EYA1: variants seen among roughly 807,000 people sequenced by gnomAD.
The protein encoded by EYA1 is EYA transcriptional coactivator and phosphatase 1, also known as protein phosphatase EYA1.
Under a neutral mutation model 82.0 loss-of-function variants are expected in EYA1, and 16 were observed. The ratio of observed to expected loss-of-function variants is 0.20; its 90% CI spans 0.13 to 0.30. The LOEUF is 0.30. Ranked by LOEUF, EYA1 falls within the 10% of genes least tolerant of loss-of-function variation. EYA1 has a pLI of 1.00. For synonymous variants in EYA1, 261 were observed against 264.4 expected (o/e 0.99, Z 0.12); for missense variants, 633 against 730.7 (o/e 0.87, Z 1.54).
chr8:71,396,953 T>G (rs1169459457), intron 2 of EYA1, among the ~76,000 whole-genome samples: 1 of 152,218 alleles, frequency 6.6e-6, no homozygotes, highest in Non-Finnish European at 1.5e-5. Flanking sequence ...AAGGACTTGC[T>G]TTATGAATCT....
chr8:71,492,771 T>C (rs1235121571), intron 2 of EYA1, among the ~76,000 whole-genome samples: 2 of 148,622 alleles, frequency 1.3e-5, no homozygotes, highest in Non-Finnish European at 1.5e-5. Flanking sequence ...GGCCTTTTCT[T>C]TTAACTTTTA....
At chr8:71,298,509 G>GA (rs1819832776) in intron 9 of EYA1, among the ~76,000 whole-genome samples, 1 of 152,198 alleles carries the variant, frequency 6.6e-6, no homozygotes, top group South Asian at 2.1e-4. Flanking sequence ...GCTGGCATTT[G>GA]AAAGAGACCA....
chr8:71,366,136 G>T (rs1827738313), upstream of EYA1, among the ~76,000 whole-genome samples: 1 of 149,920 alleles, frequency 6.7e-6, no homozygotes, highest in African/African-American at 2.5e-5. Context: ...TGTAGTAATG[G>T]CTGCCTATCA....
chr8:71,430,040 CT>C (rs1278534833), intron 2 of EYA1, among the ~76,000 whole-genome samples: 2 of 152,070 alleles, frequency 1.3e-5, no homozygotes, highest in East Asian at 3.8e-4. Context: ...TTACAAACAC[CT>C]ATCAAGCAAG....
At chr8:71,485,541 A>C (rs1426147325) in intron 2 of EYA1, among the ~76,000 whole-genome samples, 1 of 152,182 alleles carries the variant, frequency 6.6e-6, no homozygotes, top group Non-Finnish European at 1.5e-5. Context: ...TTTTACAAGA[A>C]TAAAAGTACA....
intron 17 of EYA1, among the ~76,000 whole-genome samples, chr8:71,210,671 G>A (rs1419594598): frequency 6.6e-6 from 1 of 152,230 alleles, no homozygotes; most frequent in Non-Finnish European, 1.5e-5. Context: ...GAGACAGGTA[G>A]GACCTCATGA....
chr8:71,543,450 C>T (rs758310654), intron 1 of EYA1, among the ~76,000 whole-genome samples: 7 of 152,170 alleles, frequency 4.6e-5, no homozygotes, highest in South Asian at 2.1e-4. Context: ...AAATATGCCA[C>T]GACTTACATT....
upstream of EYA1, chr8:71,362,275 C>T (rs1448145601): frequency 1.3e-5 from 11 of 860,668 alleles, no homozygotes; most frequent in Admixed American, 1.2e-4. Context: ...CTGACTCAAC[C>T]TTGCTGTTTA....
chr8:71,478,982 C>G (rs1398926959), intron 2 of EYA1, among the ~76,000 whole-genome samples: 3 of 152,168 alleles, frequency 2.0e-5, no homozygotes, highest in African/African-American at 7.2e-5. Context: ...ATCAAGAAGG[C>G]AAAATGACAT....
At chr8:71,319,192 G>A (rs933000689) in intron 6 of EYA1, among the ~76,000 whole-genome samples, 3 of 151,364 alleles carry the variant, frequency 2.0e-5, no homozygotes, top group African/African-American at 4.9e-5. Flanking sequence ...GTGCAGTGGC[G>A]CAATCTCAGC....
chr8:71,273,205 C>T (rs1816755501), intron 9 of EYA1, among the ~76,000 whole-genome samples: 1 of 152,204 alleles, frequency 6.6e-6, no homozygotes, highest in African/African-American at 2.4e-5. Flanking sequence ...GAGACTTCTT[C>T]TATAACAAGA....
chr8:71,538,011 A>T (rs762200108), intron 1 of EYA1, among the ~76,000 whole-genome samples: 3 of 152,144 alleles, frequency 2.0e-5, no homozygotes, highest in Non-Finnish European at 4.4e-5. Flanking sequence ...AAAGACTACC[A>T]CTCAAAAATC....
intron 2 of EYA1, among the ~76,000 whole-genome samples, chr8:71,388,638 C>T (rs1829102874): frequency 6.6e-6 from 1 of 152,106 alleles, no homozygotes; most frequent in Non-Finnish European, 1.5e-5. Flanking sequence ...ATTCCATCTT[C>T]TAATTAATGC....
intron 17 of EYA1, among the ~76,000 whole-genome samples, chr8:71,205,158 CAT>C (rs1477312260): frequency 6.6e-6 from 1 of 152,112 alleles, no homozygotes; most frequent in Non-Finnish European, 1.5e-5. Flanking sequence ...ATAAAATGAA[CAT>C]ATTTAATGAC....
chr8:71,227,505 T>C (rs1810698218), intron 12 of EYA1, among the ~76,000 whole-genome samples: 1 of 152,208 alleles, frequency 6.6e-6, no homozygotes, highest in Non-Finnish European at 1.5e-5. Flanking sequence ...ACTTTCATCC[T>C]TTTCTGCAAC....
At chr8:71,290,109 A>T (rs1240606486) in intron 9 of EYA1, among the ~76,000 whole-genome samples, 1 of 151,074 alleles carries the variant, frequency 6.6e-6, no homozygotes, top group African/African-American at 2.5e-5. Flanking sequence ...TCAGTAAAAA[A>T]ATTTATCAAA....
At chr8:71,299,563 G>C (rs554609964) in intron 8 of EYA1, 75 bp downstream of exon 8, 6 of 907,592 alleles carry the variant, frequency 6.6e-6, no homozygotes, top group African/African-American at 6.5e-5. Flanking sequence ...CTTATAAACA[G>C]ATCTTTCTTT....
chr8:71,299,041 A>C lies in EYA1; in HGVS notation c.826+6T>G. On this transcript the variant is annotated splice_donor_region_variant and intron_variant, in intron 9 of 17. Coordinates refer to ENST00000340726, the MANE Select transcript of EYA1 (RefSeq NM_000503.6). ...CCTGCAGGACTAATAATATTCACAT[A>C]ATTACCTGCTGTGGGATCTGTAACT... is the stretch of plus-strand genomic sequence containing the variant. 1 of 1,612,388 alleles carries C rather than the reference A, an allele frequency of 6.2e-7. No individual in the cohort carries two copies. Among genetic ancestry groups the C allele is most frequent in the East Asian group, 2.2e-5 (1 of 44,860 alleles).
At chr8:71,362,122 C>G, upstream of EYA1, 1 of 946,726 alleles carries the variant, frequency 1.1e-6, no homozygotes, top group Non-Finnish European at 1.3e-6. Flanking sequence ...TTTGCGCAGC[C>G]TTGTAGGTCT....
Sources: gnomAD v4.1 joint callset for allele counts (sites outside exome capture counted in the v4.1 genomes callset) on GRCh38, gnomAD v4.1.1 for gene constraint, MANE v1.5 for transcripts, NCBI Gene and HGNC (gene_info 2026-07-23, HGNC 2026-07-21) for gene names.